Variants in STK26 observed in about 807,000 individuals in gnomAD.
STK26 encodes the protein serine/threonine kinase 26.
A neutral mutation model predicts 34.7 loss-of-function variants in STK26; 14 were observed. The ratio of observed to expected loss-of-function variants is 0.40; its 90% confidence interval spans 0.27 to 0.63. The LOEUF (loss-of-function observed/expected upper bound fraction) is 0.63. STK26 is among the 30% of genes least tolerant of loss of function. STK26 has a pLI of 0.38. For missense variants in STK26, 226 were observed against 309.1 expected (o/e 0.73, Z 2.02); for synonymous variants, 100 against 109.8 (o/e 0.91, Z 0.56).
At chrX:132,065,445 T>C (rs2124186392) in intron 4 of STK26, among the ~76,000 whole-genome samples, 1 of 111,817 alleles carries the variant, frequency 8.9e-6, no homozygotes, top group East Asian at 2.8e-4. Flanking sequence ...TAGGCCACTC[T>C]GTTCAACAGG....
intron 2 of STK26, among the ~76,000 whole-genome samples, chrX:132,040,995 C>G (rs887114388): frequency 8.9e-6 from 1 of 111,898 alleles, no homozygotes; most frequent in Non-Finnish European, 1.9e-5. Flanking sequence ...TCCTTTATCT[C>G]CATATTCAGT....
intron 3 of STK26, among the ~76,000 whole-genome samples, chrX:132,063,196 A>G (rs949932902): frequency 4.5e-5 from 5 of 110,582 alleles, no homozygotes; most frequent in African/African-American, 1.6e-4. Flanking sequence ...TTCTCTAACT[A>G]CTTTTTGTAC....
chrX:132,026,489 A>AAAG (rs1307644863), intron 2 of STK26, among the ~76,000 whole-genome samples: 17 of 111,738 alleles, frequency 1.5e-4, no homozygotes, highest in South Asian at 7.4e-4. Context: ...GAAAATATTT[A>AAAG]AAGTACAACT....
intron 2 of STK26, among the ~76,000 whole-genome samples, chrX:132,025,722 A>G (rs780391957): frequency 1.2e-4 from 8 of 64,368 alleles, no homozygotes; most frequent in Non-Finnish European, 2.4e-4. Context: ...TTTCCATTTT[A>G]TTTCTAATGT....
intron 2 of STK26, among the ~76,000 whole-genome samples, chrX:132,034,370 G>A (rs1001454742): frequency 3.4e-5 from 3 of 88,549 alleles, no homozygotes; most frequent in Non-Finnish European, 4.3e-5. Flanking sequence ...GCAGTGGCGC[G>A]ATCTCGGCTC....
At chrX:132,070,996 T>G in intron 7 of STK26, 73 bp from the exon 8 acceptor site, 1 of 1,038,296 alleles carries the variant, frequency 9.6e-7, no homozygotes, top group Middle Eastern at 3.5e-4. Context: ...ATTCAAATGA[T>G]TTTTTTTACC....
At chrX:132,034,016 G>A (rs185575672) in intron 2 of STK26, among the ~76,000 whole-genome samples, 1 of 108,415 alleles carries the variant, frequency 9.2e-6, no homozygotes, top group Admixed American at 1.0e-4. Context: ...CGGCAGGATG[G>A]CCTTCAATAG....
At chrX:132,025,160 T>C (rs1373204646) in intron 2 of STK26, among the ~76,000 whole-genome samples, 1 of 111,020 alleles carries the variant, frequency 9.0e-6, no homozygotes, top group African/African-American at 3.3e-5. Flanking sequence ...GTTTTGCTGT[T>C]TGATCTGGGA....
In STK26 at chrX:132,035,069, A is replaced by G. The variant is rs1054094349; in HGVS notation, c.42+11410A>G. Reference sequence around the variant, plus strand: ...GCTGAGTTTGGAAGAAAATTGGTACATTTTGGGGAATGTTGAATTTGAAGT... The same window carrying G: ...GCTGAGTTTGGAAGAAAATTGGTACGTTTTGGGGAATGTTGAATTTGAAGT... On this transcript the variant is annotated intron_variant, in intron 2 of 11. Transcript: ENST00000394334. Among the ~76,000 whole-genome samples, 5 of 110,768 alleles carry G rather than the reference A, an allele frequency of 4.5e-5. No individual in the cohort carries two copies. The Admixed American group carries it at 4.8e-4, about 11-fold the overall frequency.
rs1488677964 is a variant in STK26 at position 132,054,019 on chromosome X, C to T, written c.43-612C>T. Among the ~76,000 whole-genome samples the T allele has an allele frequency of 3.4e-4, 38 of 112,033 alleles. 1 individual carries two copies. The highest frequency in any genetic ancestry group is 3.8e-5 in the Non-Finnish European group (2 of 53,161). The stretch of plus-strand genomic sequence containing the variant: ...AAAGTTCAATGTGTTACCATTTTCT[C>T]ATGATTACTAGCAATTATTACAAAG... On this transcript the variant is annotated intron_variant, in intron 2 of 11. Coordinates refer to ENST00000394334, the MANE Select transcript of STK26 (RefSeq NM_016542.4).
intron 2 of STK26, among the ~76,000 whole-genome samples, chrX:132,044,807 C>CTA (rs1389608918): frequency 2.1e-5 from 1 of 46,539 alleles, no homozygotes; most frequent in East Asian, 5.8e-4. Context: ...AGAGAGAGAT[C>CTA]TATATATATA....
intron 2 of STK26, among the ~76,000 whole-genome samples, chrX:132,026,998 T>A (rs753145791): frequency 2.7e-5 from 3 of 112,640 alleles, no homozygotes; most frequent in South Asian, 7.3e-4. Flanking sequence ...GTATATTACA[T>A]GTTCCACCCT....
rs745621294 is a variant in STK26, at chrX:132,035,489, A to G, written c.42+11830A>G. On this transcript the variant is annotated intron_variant, in intron 2 of 11. Coordinates refer to ENST00000394334, the MANE Select transcript of STK26 (RefSeq NM_016542.4). ...TTTTATTGTTTATTTTGTTATATTT[A>G]TTTTTATTGTTTTGGTCTGGATAAG... 3.7e-5 allele frequency among the ~76,000 whole-genome samples: 4 copies of G among 109,515 alleles called. No homozygotes were observed. The South Asian group carries it at 1.5e-3, about 42-fold the overall frequency.
chrX:132,059,166 A>G (rs1158519013), intron 3 of STK26, among the ~76,000 whole-genome samples: 1 of 111,561 alleles, frequency 9.0e-6, no homozygotes, highest in Non-Finnish European at 1.9e-5. Context: ...TTGTGCCATC[A>G]GGGAACTGTG....
At chrX:132,070,305 T>TA (rs764114455) in intron 7 of STK26, among the ~76,000 whole-genome samples, 1 of 112,096 alleles carries the variant, frequency 8.9e-6, no homozygotes, top group African/African-American at 3.2e-5. Context: ...GTGCTGGGAT[T>TA]ACAGGCATGA....
chrX:132,026,463 C>T (rs111485377), intron 2 of STK26, among the ~76,000 whole-genome samples: 6,264 of 110,849 alleles, frequency 0.057, 168 homozygotes, highest in Non-Finnish European at 0.088. Flanking sequence ...TTTTCCATAC[C>T]AGTAGCTGAA....
chrX:132,055,271 C>T (rs1417080694), intron 3 of STK26, among the ~76,000 whole-genome samples: 3 of 112,308 alleles, frequency 2.7e-5, no homozygotes, highest in African/African-American at 6.5e-5. Context: ...ACACATTTCT[C>T]TCCCCCACCA....
At chrX:132,045,953 G>A (rs189323473) in intron 2 of STK26, among the ~76,000 whole-genome samples, 8 of 112,368 alleles carry the variant, frequency 7.1e-5, no homozygotes, top group African/African-American at 2.6e-4. Context: ...CTCCATATTT[G>A]TGAAATGGAG....
chrX:132,044,785 ATT>A (rs1448499026), intron 2 of STK26, among the ~76,000 whole-genome samples: 1 of 39,760 alleles, frequency 2.5e-5, no homozygotes, highest in African/African-American at 1.2e-4. Flanking sequence ...CTATATATAT[ATT>A]TATATATATA....
Sources: gnomAD v4.1 joint callset for allele counts (sites outside exome capture counted in the v4.1 genomes callset) on GRCh38, gnomAD v4.1.1 for gene constraint, MANE v1.5 for transcripts, NCBI Gene and HGNC (gene_info 2026-07-23, HGNC 2026-07-21) for gene names.